Variants in MLLT10 observed in about 807,000 individuals in gnomAD.
The protein encoded by MLLT10 is protein AF-10.
In MLLT10, 30 loss-of-function variants were observed where a neutral mutation model predicts 129.1. That is an observed-to-expected ratio of 0.23 (90% confidence interval 0.17 to 0.32). MLLT10 has a LOEUF of 0.32. MLLT10 is among the 10% of genes least tolerant of loss of function. The pLI is 1.00. For missense variants in MLLT10, 1,119 were observed against 1,268.3 expected (o/e 0.88, Z 1.79); for synonymous variants, 490 against 446.4 (o/e 1.10, Z -1.23).
chr10:21,626,209 A>C, intron 8 of MLLT10: 1 of 1,599,480 alleles, frequency 6.3e-7, no homozygotes, highest in African/African-American at 1.3e-5. Context: ...GCTGTAGTAC[A>C]GACAGAGCTC....
chr10:21,676,619 G>A (rs1285479359), intron 11 of MLLT10, among the ~76,000 whole-genome samples: 1 of 148,534 alleles, frequency 6.7e-6, no homozygotes, highest in Non-Finnish European at 1.5e-5. Context: ...TACTAGGGAG[G>A]CTGAGGCAGG....
chr10:21,610,631 T>TA (rs984369431), intron 5 of MLLT10, among the ~76,000 whole-genome samples: 1 of 151,512 alleles, frequency 6.6e-6, no homozygotes, highest in Non-Finnish European at 1.5e-5. Flanking sequence ...TTTTTTTTTT[T>TA]ATAAATAAAA....
At chr10:21,569,903 G>A (rs1306066880) in intron 3 of MLLT10, among the ~76,000 whole-genome samples, 1 of 151,666 alleles carries the variant, frequency 6.6e-6, no homozygotes, top group Non-Finnish European at 1.5e-5. Flanking sequence ...GCTAATTTTT[G>A]TGTGTTTTTT....
rs1449363406 is a variant in MLLT10, at chr10:21,689,616, T to TACAC, written c.1699+7360_1699+7361insCACA. Among the ~76,000 whole-genome samples, 1,212 of 140,718 alleles carry TACAC rather than the reference T, an allele frequency of 8.6e-3. 14 individuals carry two copies. The highest frequency in any genetic ancestry group is 0.03 in the African/African-American group (1,124 of 37,692). The allele number at this position is 140,718 out of a possible 152,430, so 92.3% of individuals were successfully genotyped here. ...CGTGTGTGTTTTATATATATATATA[T>TACAC]ATACACACACACACACACACACATT... On this transcript the variant is annotated intron_variant, in intron 13 of 22. Coordinates refer to ENST00000307729, the MANE Select transcript of MLLT10 (RefSeq NM_001195626.3).
chr10:21,723,700 A>C (rs2057289752), intron 14 of MLLT10, among the ~76,000 whole-genome samples: 1 of 152,088 alleles, frequency 6.6e-6, no homozygotes, highest in Non-Finnish European at 1.5e-5. Context: ...GTCAGCTGTT[A>C]CTTCTTGGTG....
chr10:21,715,388 G>A (rs1382418223), intron 14 of MLLT10, among the ~76,000 whole-genome samples: 1 of 152,188 alleles, frequency 6.6e-6, no homozygotes, highest in Non-Finnish European at 1.5e-5. Flanking sequence ...GACTACTTTA[G>A]CAGAGTTTTT....
intron 21 of MLLT10, among the ~76,000 whole-genome samples, chr10:21,736,606 A>G (rs2058385428): frequency 6.6e-6 from 1 of 152,216 alleles, no homozygotes; most frequent in Non-Finnish European, 1.5e-5. Context: ...CAGAACCAAC[A>G]AGACTTGTTT....
intron 8 of MLLT10, among the ~76,000 whole-genome samples, chr10:21,646,506 T>G (rs941493707): frequency 1.4e-4 from 22 of 152,208 alleles, no homozygotes; most frequent in Middle Eastern, 6.8e-3. Context: ...TTGGTTATGT[T>G]TTTTTGGGGG....
chr10:21,557,138 G>T, intron 3 of MLLT10: 3 of 1,365,828 alleles, frequency 2.2e-6, no homozygotes, highest in African/African-American at 1.5e-5. Flanking sequence ...TTTCCTCTTC[G>T]CTGTTAAACT....
chr10:21,595,121 A>C (rs2042922430), intron 4 of MLLT10, among the ~76,000 whole-genome samples: 1 of 152,210 alleles, frequency 6.6e-6, no homozygotes, highest in African/African-American at 2.4e-5. Flanking sequence ...GTAACTGTAC[A>C]TCATAACTGG....
intron 3 of MLLT10, among the ~76,000 whole-genome samples, chr10:21,570,842 T>C (rs917041153): frequency 6.6e-6 from 1 of 152,192 alleles, no homozygotes; most frequent in African/African-American, 2.4e-5. Context: ...TGTTTCATTA[T>C]GGGGTGTAAC....
At chr10:21,697,626 C>T (rs2131459339) in intron 13 of MLLT10, among the ~76,000 whole-genome samples, 1 of 151,964 alleles carries the variant, frequency 6.6e-6, no homozygotes, top group East Asian at 1.9e-4. Flanking sequence ...ATAGAGCAAC[C>T]CACCAAATAG....
intron 13 of MLLT10, among the ~76,000 whole-genome samples, chr10:21,687,010 A>G (rs1355373272): frequency 1.3e-5 from 2 of 152,126 alleles, no homozygotes; most frequent in East Asian, 3.9e-4. Flanking sequence ...TAAAGTACCA[A>G]AGAGCTTACT....
chr10:21,717,767 C>CGCTGCT (rs1276186205), intron 14 of MLLT10, among the ~76,000 whole-genome samples: 1 of 111,856 alleles, frequency 8.9e-6, no homozygotes, highest in African/African-American at 3.5e-5. Context: ...CCTCCTCCTC[C>CGCTGCT]GCTGCTGCTG....
At chr10:21,636,559 A>G (rs1349183484) in intron 8 of MLLT10, among the ~76,000 whole-genome samples, 1 of 151,580 alleles carries the variant, frequency 6.6e-6, no homozygotes, top group African/African-American at 2.4e-5. Context: ...TATAGTGCCT[A>G]ATATGATTTC....
chr10:21,700,634 T>C (rs1343161353), intron 13 of MLLT10, among the ~76,000 whole-genome samples: 1 of 152,196 alleles, frequency 6.6e-6, no homozygotes. Flanking sequence ...TTTTGTCCTT[T>C]ATTCTATTGA....
intron 11 of MLLT10, among the ~76,000 whole-genome samples, chr10:21,675,859 T>C (rs922270357): frequency 6.6e-6 from 1 of 152,138 alleles, no homozygotes; most frequent in Non-Finnish European, 1.5e-5. Context: ...ATTAATAAAA[T>C]TAAGATATTG....
chr10:21,704,333 C>CAA (rs1746870676), intron 13 of MLLT10, among the ~76,000 whole-genome samples: 1 of 59,308 alleles, frequency 1.7e-5, no homozygotes, highest in Admixed American at 1.7e-4. Context: ...TTTAAATTCT[C>CAA]TCTCTCTCTC....
At chr10:21,555,091 G>C (rs764233218) in intron 3 of MLLT10, among the ~76,000 whole-genome samples, 1 of 152,044 alleles carries the variant, frequency 6.6e-6, no homozygotes, top group Non-Finnish European at 1.5e-5. Flanking sequence ...GAAGTGCTGG[G>C]ATTACAGGCG....
Sources: allele counts gnomAD v4.1 joint callset (sites outside exome capture counted in the v4.1 genomes callset), GRCh38; gene constraint gnomAD v4.1.1; transcripts MANE v1.5; gene names NCBI Gene and HGNC (gene_info 2026-07-23, HGNC 2026-07-21).